GARRE1: variants seen among roughly 807,000 people sequenced by gnomAD.
GARRE1 encodes the protein granule associated Rac and RHOG effector 1, also known as granule associated Rac and RHOG effector protein 1.
In GARRE1, 49 loss-of-function variants were observed where a neutral mutation model predicts 103.2. The ratio of observed to expected loss-of-function variants is 0.47; its 90% CI spans 0.38 to 0.60. The LOEUF (loss-of-function observed/expected upper bound fraction) is 0.60. Ranked by LOEUF, GARRE1 falls within the 20% of genes least tolerant of loss-of-function variation. GARRE1 has a pLI of 0.00. For synonymous variants in GARRE1, 505 were observed against 532.8 expected, an observed-to-expected ratio of 0.95 and a Z score of 0.72; for missense variants, 1,199 against 1,370.5, an observed-to-expected ratio of 0.87 and a Z score of 1.98.
In GARRE1 at chr19:34,353,160, G is replaced by C. The variant is rs2074249973; in HGVS notation, c.*205G>C. 3.7e-6 allele frequency: 2 copies of C among 541,142 alleles called. No individual in the cohort carries two copies. The highest frequency in any genetic ancestry group is 3.2e-5 in the Admixed American group (1 of 30,838). 33.5% of individuals were successfully genotyped at this position (541,142 alleles called of 1,614,324 possible). The stretch of plus-strand genomic sequence containing the variant: ...TCTGAAACGATGGCATCAGAGCCCT[G>C]GAGAGCCAGCTGGAGACACAGGCGT... On this transcript the variant is annotated 3_prime_UTR_variant, in exon 14 of 14. Coordinates refer to ENST00000299505, the MANE Select transcript of GARRE1 (RefSeq NM_014686.5).
At chr19:34,350,685 C>G (rs2074232006) in intron 12 of GARRE1, among the ~76,000 whole-genome samples, 1 of 152,086 alleles carries the variant, frequency 6.6e-6, no homozygotes, top group African/African-American at 2.4e-5. Flanking sequence ...GGGTTCACGC[C>G]ATTCTCCTGC....
chr19:34,297,178 C>T (rs2073952155), intron 1 of GARRE1, among the ~76,000 whole-genome samples: 1 of 152,000 alleles, frequency 6.6e-6, no homozygotes, highest in South Asian at 2.1e-4. Flanking sequence ...ATCCCAGCTA[C>T]TTGGGAGGCT....
intron 3 of GARRE1, among the ~76,000 whole-genome samples, chr19:34,325,152 T>A (rs1427039447): frequency 6.6e-6 from 1 of 152,320 alleles, no homozygotes; most frequent in Admixed American, 6.5e-5. Flanking sequence ...GGTCATCCTT[T>A]CTTCATCTAG....
Position 34,328,128 on chromosome 19 carries a change from GC to G in GARRE1, c.1083del (p.Asp362ThrfsTer3). 1 of 1,613,946 alleles carries G rather than the reference GC, an allele frequency of 6.2e-7. No individual in the cohort carries two copies. Among genetic ancestry groups the G allele is most frequent in the Non-Finnish European group, 8.5e-7 (1 of 1,180,010 alleles). On this transcript the variant is annotated frameshift_variant, in exon 6 of 14. Transcript: ENST00000299505. LOFTEE classifies it high-confidence loss of function. ...LKGVSFNESA[A>X]DNLKLKTHTM... ...GGGCGTCTCCTTTAATGAGTCGGCC[GC>G]CGACAATCTGAAACTTAAGACGGTA...
intron 2 of GARRE1, among the ~76,000 whole-genome samples, chr19:34,302,866 TCCTGA>T (rs2073987906): frequency 6.6e-6 from 1 of 150,936 alleles, no homozygotes; most frequent in African/African-American, 2.4e-5. Flanking sequence ...TGCCTCAGCC[TCCTGA>T]GTAGCTGGGA....
intron 2 of GARRE1, among the ~76,000 whole-genome samples, chr19:34,308,443 A>G (rs1218062427): frequency 6.6e-6 from 1 of 152,166 alleles, no homozygotes; most frequent in Admixed American, 6.5e-5. Flanking sequence ...TGCTAATTTC[A>G]GGTCAGTGTT....
chr19:34,267,156 C>T (rs566627316), intron 1 of GARRE1, among the ~76,000 whole-genome samples: 2 of 152,260 alleles, frequency 1.3e-5, no homozygotes, highest in African/African-American at 4.8e-5. Context: ...GTTCCAGCTA[C>T]TTGGGAGGCT....
intron 1 of GARRE1, among the ~76,000 whole-genome samples, chr19:34,286,441 G>A (rs943058821): frequency 6.6e-6 from 1 of 151,756 alleles, no homozygotes; most frequent in South Asian, 2.1e-4. Context: ...GGATGGTCTC[G>A]ATCTCCTGAC....
intron 11 of GARRE1, 125 bp downstream of exon 11, chr19:34,348,167 TGA>T (rs1176627172): frequency 2.5e-6 from 2 of 805,218 alleles, no homozygotes; most frequent in East Asian, 3.4e-5. Context: ...AGCCCCCATG[TGA>T]GAGAGTGACA....
chr19:34,264,802 C>G (rs1392094048), intron 1 of GARRE1, among the ~76,000 whole-genome samples: 6 of 152,054 alleles, frequency 3.9e-5, no homozygotes, highest in African/African-American at 1.5e-4. Context: ...GTTGCTCTGC[C>G]TTGATGTTTG....
rs142773264 is a variant in GARRE1 at position 34,324,680 on chromosome 19, T to C, written c.706-2741T>C. ...ATTATTTATTTTATTTTACTTTTTATTTATTTTTTTAAAGACAGGGTCTTG... is the reference window on the plus strand; with the variant it reads ...ATTATTTATTTTATTTTACTTTTTACTTATTTTTTTAAAGACAGGGTCTTG... On this transcript the variant is annotated intron_variant, in intron 3 of 13. Coordinates refer to ENST00000299505, the MANE Select transcript of GARRE1 (RefSeq NM_014686.5). 2.9e-3 allele frequency among the ~76,000 whole-genome samples: 443 copies of C among 152,098 alleles called. 5 individuals carry two copies. In the Middle Eastern group the frequency reaches 0.037, roughly 13 times the overall value.
intron 2 of GARRE1, among the ~76,000 whole-genome samples, chr19:34,315,466 C>CT (rs1170089636): frequency 6.6e-6 from 1 of 152,178 alleles, no homozygotes; most frequent in Non-Finnish European, 1.5e-5. Flanking sequence ...AATCCCAGCA[C>CT]TTTGGGAGGC....
At chr19:34,289,595 G>A (rs947202163) in intron 1 of GARRE1, among the ~76,000 whole-genome samples, 5 of 151,512 alleles carry the variant, frequency 3.3e-5, no homozygotes, top group African/African-American at 9.7e-5. Context: ...GTGGTGGCGC[G>A]TGTCTGTTAT....
rs758361463 is a variant in GARRE1, at chr19:34,319,993, C to T, written c.582C>T (p.His194=). ...TACAGAAGGTCCAGCCGGTGGCTCA[C>T]TCTTGCTTTGCTGAGGTCATCGTGC... is the stretch of plus-strand genomic sequence containing the variant. ...HALQKVQPVA[H]SCFAEVIVPE... is the part of the protein sequence containing the mutation. Residue 194 remains histidine, a synonymous_variant, in exon 3 of 14, where the codon CAC becomes CAT. Coordinates refer to ENST00000299505, the MANE Select transcript of GARRE1 (RefSeq NM_014686.5). 1 of 1,614,254 alleles carries T rather than the reference C, an allele frequency of 6.2e-7. No homozygotes were observed. The highest frequency in any genetic ancestry group is 1.1e-5 in the South Asian group (1 of 91,088).
chr19:34,336,196 A>G lies in GARRE1; in HGVS notation c.1361+2395A>G, dbSNP rs543488458. Among the ~76,000 whole-genome samples the G allele has an allele frequency of 2.0e-5, 3 of 151,680 alleles. No homozygotes were observed. The East Asian group carries it at 5.9e-4, about 30-fold the overall frequency. On this transcript the variant is annotated intron_variant, in intron 8 of 13. Transcript: ENST00000299505. ...TGTAGAGATGGAGTCTCACTATATT[A>G]GCCAGGATGGTCTGGGACTCCTGGG... is the stretch of plus-strand genomic sequence containing the variant.
In GARRE1 at chr19:34,300,213, A is replaced by G. The variant is rs987700872; in HGVS notation, c.-261A>G. 2.5e-6 allele frequency: 1 copy of G among 392,760 alleles called. No homozygotes were observed. The allele number at this position is 392,760 out of a possible 1,614,324, so 24.3% of individuals were successfully genotyped here. A position where few individuals can be genotyped will look rare whatever the true frequency, so the allele number is the denominator to read the frequency against. ...GCATATCCTTTTAGTAAGAGAGTGG[A>G]ATGCTAAACAGTTCTTATCCAGCAT... On this transcript the variant is annotated 5_prime_UTR_variant, in exon 2 of 14. Transcript: ENST00000299505.
chr19:34,344,540 G>A (rs1229463746), intron 10 of GARRE1, among the ~76,000 whole-genome samples: 1 of 145,706 alleles, frequency 6.9e-6, no homozygotes, highest in Admixed American at 6.8e-5. Context: ...GCAGTGAGCC[G>A]AGATCCCGCC....
At chr19:34,296,632 G>A (rs973580015) in intron 1 of GARRE1, 2 of 1,170,576 alleles carry the variant, frequency 1.7e-6, no homozygotes, top group South Asian at 2.5e-5. Context: ...AGGAACCTGG[G>A]GTCCATCCAC....
At position 34,300,785 on chromosome 19, in the gene GARRE1, G is replaced by A. The variant is rs953283950; in HGVS notation, c.312G>A (p.Val104=). The A allele has an allele frequency of 6.2e-7, 1 of 1,614,208 alleles. No homozygotes were observed. The highest frequency in any genetic ancestry group is 8.5e-7 in the Non-Finnish European group (1 of 1,180,042). ...TCCTCACAGATCTCTTCAGCACTGT[G>A]TTCAGGAACTCTCACTACTCAAAGG... is the stretch of plus-strand genomic sequence containing the variant. ...STFLTDLFST[V]FRNSHYSKAA... The change falls in exon 2 of 14, where the codon GTG becomes GTA. Residue 104 remains valine, a synonymous_variant. Transcript: ENST00000299505.
Sources: allele counts gnomAD v4.1 joint callset (sites outside exome capture counted in the v4.1 genomes callset), GRCh38; gene constraint gnomAD v4.1.1; transcripts MANE v1.5; gene names NCBI Gene and HGNC (gene_info 2026-07-23, HGNC 2026-07-21).